GOLGB1: variants seen among roughly 807,000 people sequenced by gnomAD.
GOLGB1 encodes golgin B1.
Under a neutral mutation model 336.9 loss-of-function variants are expected in GOLGB1, and 174 were observed. That is an observed-to-expected ratio of 0.52 (90% CI 0.46 to 0.59). GOLGB1 has a LOEUF of 0.59. Among genes scored for constraint, GOLGB1 ranks in the 20% least tolerant of loss-of-function variants. The probability of loss-of-function intolerance (pLI) is 0.00; values close to 1 mark genes in which losing one functional copy is unlikely to be tolerated. For missense variants in GOLGB1, 3,331 were observed against 3,645.3 expected (o/e 0.91, Z 2.22); for synonymous variants, 1,208 against 1,289.2 (o/e 0.94, Z 1.35).
intron 1 of GOLGB1, among the ~76,000 whole-genome samples, chr3:121,747,387 A>G (rs987652164): frequency 2.7e-5 from 4 of 145,550 alleles, no homozygotes; most frequent in African/African-American, 1.0e-4. Context: ...CTATATACGT[A>G]TATATATACA....
chr3:121,740,334 C>G (rs1946767356), intron 1 of GOLGB1, among the ~76,000 whole-genome samples: 1 of 152,058 alleles, frequency 6.6e-6, no homozygotes, highest in South Asian at 2.1e-4. Flanking sequence ...TATAAAAGAG[C>G]TCTGATTATT....
At chr3:121,705,280 A>G (rs2107961116) in intron 10 of GOLGB1, among the ~76,000 whole-genome samples, 1 of 152,340 alleles carries the variant, frequency 6.6e-6, no homozygotes, top group East Asian at 1.9e-4. Flanking sequence ...AACCACTTAA[A>G]AAATTTTTGT....
At chr3:121,727,205 T>C (rs1324349631) in intron 4 of GOLGB1, among the ~76,000 whole-genome samples, 164 bp from the exon 5 acceptor site, 2 of 148,832 alleles carry the variant, frequency 1.3e-5, no homozygotes, top group African/African-American at 4.9e-5. Context: ...CTTAGGGTTG[T>C]CCAGTTTTTG....
chr3:121,744,247 C>G (rs1490240299), intron 1 of GOLGB1, among the ~76,000 whole-genome samples: 1 of 151,752 alleles, frequency 6.6e-6, no homozygotes, highest in Non-Finnish European at 1.5e-5. Context: ...TATCATCATC[C>G]CCATTTTATA....
At chr3:121,674,364 C>T (rs1940030291) in intron 17 of GOLGB1, among the ~76,000 whole-genome samples, 1 of 151,930 alleles carries the variant, frequency 6.6e-6, no homozygotes, top group African/African-American at 2.4e-5. Context: ...TCAATTTTTC[C>T]CTGTTCAGTA....
At position 121,698,003 on chromosome 3, in the gene GOLGB1, G is replaced by A. The variant is rs767446573; in HGVS notation, c.2520C>T (p.Ser840=). Residue 840 remains serine (S), a synonymous_variant, in exon 13 of 22, where the codon AGC becomes AGT. Coordinates refer to ENST00000614479, the MANE Select transcript of GOLGB1 (RefSeq NM_001366282.2). The part of the protein sequence containing the change: ...QFSEQSTLIR[S]LQSQLQNKES... ...CCTTATTTTGCAGCTGGCTTTGCAG[G>A]CTTCTTATCAGGGTACTCTGCTCAG... 6.2e-7 allele frequency: 1 copy of A among 1,614,014 alleles called. No individual in the cohort carries two copies. Among genetic ancestry groups the A allele is most frequent in the East Asian group, 2.2e-5 (1 of 44,882 alleles).
intron 14 of GOLGB1, among the ~76,000 whole-genome samples, chr3:121,683,678 G>A (rs1408293647): frequency 6.6e-6 from 1 of 152,130 alleles, no homozygotes; most frequent in Non-Finnish European, 1.5e-5. Context: ...AGGTAATTTA[G>A]AAGAGATTAT....
intron 15 of GOLGB1, among the ~76,000 whole-genome samples, chr3:121,678,635 T>C (rs1428299342): frequency 6.6e-6 from 1 of 152,048 alleles, no homozygotes; most frequent in African/African-American, 2.4e-5. Context: ...TGGCATGATG[T>C]TGGCTCACTG....
intron 17 of GOLGB1, among the ~76,000 whole-genome samples, chr3:121,675,736 G>A (rs1040678807): frequency 6.6e-6 from 1 of 152,126 alleles, no homozygotes; most frequent in South Asian, 2.1e-4. Flanking sequence ...TTACTTTTCT[G>A]TATGTTTTAC....
chr3:121,676,319 C>T (rs897838473), intron 17 of GOLGB1, among the ~76,000 whole-genome samples: 1 of 152,206 alleles, frequency 6.6e-6, no homozygotes, highest in Non-Finnish European at 1.5e-5. Context: ...TTTTGGATCA[C>T]AGACCCCTTG....
intron 1 of GOLGB1, among the ~76,000 whole-genome samples, chr3:121,742,581 C>G (rs1173723232): frequency 6.6e-6 from 1 of 152,094 alleles, no homozygotes; most frequent in African/African-American, 2.4e-5. Flanking sequence ...GACTAAAACA[C>G]CAAAAGCAAT....
chr3:121,684,127 CAAAAAAAAA>C (rs61510295), intron 14 of GOLGB1, among the ~76,000 whole-genome samples: 4 of 10,910 alleles, frequency 3.7e-4, no homozygotes, highest in South Asian at 7.3e-3. Flanking sequence ...GACGCCGTCT[CAAAAAAAAA>C]AAAAAAAAAA....
At chr3:121,744,097 A>G (rs2108423495) in intron 1 of GOLGB1, among the ~76,000 whole-genome samples, 1 of 152,170 alleles carries the variant, frequency 6.6e-6, no homozygotes, top group East Asian at 1.9e-4. Flanking sequence ...TATCATAGCA[A>G]ATGAGGAACA....
Position 121,664,596 on chromosome 3 carries a change from A to C in GOLGB1, c.9679T>G (p.Trp3227Gly), listed in dbSNP as rs1436365733. ...SCRRTRSGVG[W>G]KRVLRSLCHS... ...CAGAGTGAACGCAGGACTCGCTTCC[A>C]TCCAACGCCACTCCGGGTCTGAAAG... is the stretch of plus-strand genomic sequence containing the variant. The change falls in exon 22 of 22, where the codon TGG becomes GGG. Residue 3227 changes from tryptophan (W) to glycine (G), a missense_variant. Physicochemically the swap from Trp to Gly is radical, Grantham distance 184. Coordinates refer to ENST00000614479, the MANE Select transcript of GOLGB1 (RefSeq NM_001366282.2). The C allele has an allele frequency of 6.2e-7, 1 of 1,614,042 alleles. No individual in the cohort carries two copies.
rs1308747507 is a variant in GOLGB1, at chr3:121,691,471, A to G, written c.7893T>C (p.Thr2631=). 3 of 1,613,652 alleles carry G rather than the reference A, an allele frequency of 1.9e-6. No homozygotes were observed. Among genetic ancestry groups the G allele is most frequent in the East Asian group, 2.2e-5 (1 of 44,870 alleles). Residue 2631 remains threonine (T), a synonymous_variant, in exon 14 of 22, where the codon ACT becomes ACC. Transcript: ENST00000614479. ...RQVTALQEEG[T]LGLYHAQLKV... ...TTAACTGGGCATGATAGAGTCCTAA[A>G]GTACCTTCTTCTTGCAAGGCTGTTA... is the stretch of plus-strand genomic sequence containing the variant.
intron 1 of GOLGB1, 101 bp from the exon 2 acceptor site, chr3:121,731,074 C>T (rs1560317392): frequency 8.5e-7 from 1 of 1,173,652 alleles, no homozygotes; most frequent in Non-Finnish European, 1.2e-6. Flanking sequence ...AAAAAGAATA[C>T]TGTACAGGTG....
At chr3:121,672,470 T>C (rs921911903) in intron 17 of GOLGB1, among the ~76,000 whole-genome samples, 4 of 152,232 alleles carry the variant, frequency 2.6e-5, no homozygotes, top group Non-Finnish European at 5.9e-5. Flanking sequence ...CACTTTTAAG[T>C]TGAGTTATTT....
rs1942442740 is a variant in GOLGB1 at position 121,691,761 on chromosome 3, C to T, written c.7603G>A (p.Asp2535Asn). The T allele has an allele frequency of 6.2e-7, 1 of 1,613,494 alleles. No homozygotes were observed. Among genetic ancestry groups the T allele is most frequent in the Admixed American group, 1.7e-5 (1 of 60,016 alleles). The part of the protein sequence containing the change: ...DDLNSENAKL[D>N]AELIQYREDL... ...TCTCTATATTGGATCAGTTCTGCATCTAGCTTGGCATTCTCAGAATTGAGA... is the reference window on the plus strand; with the variant it reads ...TCTCTATATTGGATCAGTTCTGCATTTAGCTTGGCATTCTCAGAATTGAGA... Residue 2535 changes from aspartate (D) to asparagine (N), a missense_variant, in exon 14 of 22, where the codon GAT becomes AAT. Physicochemically the swap from Asp to Asn is conservative, Grantham distance 23. Transcript: ENST00000614479.
chr3:121,673,733 A>G (rs1939919286), intron 17 of GOLGB1, among the ~76,000 whole-genome samples: 1 of 147,146 alleles, frequency 6.8e-6, no homozygotes, highest in African/African-American at 2.5e-5. Context: ...CTATCTATCT[A>G]TTTTTGAAAC....
Sources: allele counts gnomAD v4.1 joint callset (sites outside exome capture counted in the v4.1 genomes callset), GRCh38; gene constraint gnomAD v4.1.1; transcripts MANE v1.5; gene names NCBI Gene and HGNC (gene_info 2026-07-23, HGNC 2026-07-21).